Variants in MACROD2 observed in about 807,000 individuals in gnomAD.
The protein encoded by MACROD2 is ADP-ribose glycohydrolase MACROD2.
In MACROD2, 36 loss-of-function variants were observed where a neutral mutation model predicts 70.4. The ratio of observed to expected loss-of-function variants is 0.51; its 90% CI spans 0.39 to 0.68. The LOEUF (loss-of-function observed/expected upper bound fraction) is 0.68, where lower values mean the gene tolerates loss of function less well. Among genes scored for constraint, MACROD2 ranks in the 30% least tolerant of loss-of-function variants. The pLI is 0.00. For missense variants in MACROD2, 496 were observed against 538.4 expected, an observed-to-expected ratio of 0.92 and a Z score of 0.78; for synonymous variants, 172 against 178.8, an observed-to-expected ratio of 0.96 and a Z score of 0.30.
chr20:14,122,294 G>A (rs538494718), intron 3 of MACROD2, among the ~76,000 whole-genome samples: 2 of 152,240 alleles, frequency 1.3e-5, no homozygotes, highest in Admixed American at 6.5e-5. Context: ...TCTTTTAAGT[G>A]GAGACAATAA....
intron 5 of MACROD2, among the ~76,000 whole-genome samples, chr20:14,869,015 C>G (rs1661421098): frequency 6.6e-6 from 1 of 152,086 alleles, no homozygotes; most frequent in Admixed American, 6.6e-5. Context: ...TCAGGAACTC[C>G]AAAAGATCAC....
In MACROD2 at chr20:15,397,599, G is replaced by A. The variant is rs191831954; in HGVS notation, c.541-33806G>A. 4.6e-5 allele frequency among the ~76,000 whole-genome samples: 7 copies of A among 152,258 alleles called. No individual in the cohort carries two copies. In the East Asian group the frequency reaches 1.2e-3, roughly 25 times the overall value. ...GGTGTGAGCCACTGTGCCTGGCCTA[G>A]CCTCTTGCATTTTCTATGGGTGCAT... On this transcript the variant is annotated intron_variant, in intron 6 of 17. Coordinates refer to ENST00000684519, the MANE Select transcript of MACROD2 (RefSeq NM_001351661.2).
chr20:14,742,022 T>C (rs2071738971), intron 5 of MACROD2, among the ~76,000 whole-genome samples: 1 of 152,064 alleles, frequency 6.6e-6, no homozygotes, highest in Non-Finnish European at 1.5e-5. Context: ...ATAACAAGAG[T>C]ATTTGGAAAC....
intron 3 of MACROD2, among the ~76,000 whole-genome samples, chr20:14,411,648 C>T (rs2083750701): frequency 6.6e-6 from 1 of 152,086 alleles, no homozygotes; most frequent in South Asian, 2.1e-4. Context: ...TTTCTGTTGC[C>T]AAGCTTCCCA....
rs142543505 is a variant in MACROD2 at position 15,056,927 on chromosome 20, A to C, written c.419-173013A>C. Among the ~76,000 whole-genome samples, 413 of 152,284 alleles carry C rather than the reference A, an allele frequency of 2.7e-3. 3 individuals are homozygous for C. The Middle Eastern group carries it at 0.027, about 10-fold the overall frequency. The stretch of plus-strand genomic sequence containing the variant: ...AATAAGTTGTAACTTTGTTAATAGA[A>C]GCCAAAATAAATTTAAAAACTAGAA... On this transcript the variant is annotated intron_variant, in intron 5 of 17. Transcript: ENST00000684519.
intron 3 of MACROD2, among the ~76,000 whole-genome samples, chr20:14,374,442 A>G (rs2083353700): frequency 1.3e-5 from 2 of 152,288 alleles, no homozygotes; most frequent in South Asian, 4.1e-4. Context: ...TGCAAGTCAG[A>G]GGTCAAATAG....
chr20:15,133,550 A>C (rs1304007162), intron 5 of MACROD2, among the ~76,000 whole-genome samples: 1 of 152,204 alleles, frequency 6.6e-6, no homozygotes, highest in African/African-American at 2.4e-5. Flanking sequence ...TTGATAAAGG[A>C]CTCTCAATTC....
chr20:14,077,574 C>A (rs2053930069), intron 2 of MACROD2, among the ~76,000 whole-genome samples: 1 of 151,884 alleles, frequency 6.6e-6, no homozygotes, highest in Admixed American at 6.6e-5. Flanking sequence ...GAATGAAGGA[C>A]TTTTTTTTAC....
intron 5 of MACROD2, among the ~76,000 whole-genome samples, chr20:15,000,629 C>CAAAAAAAAAAAAAAAA (rs398040701): frequency 1.4e-4 from 3 of 21,982 alleles, no homozygotes; most frequent in African/African-American, 4.8e-4. Context: ...GACTCCGTCT[C>CAAAAAAAAAAAAAAAA]AAAAAAAAAA....
chr20:15,582,881 G>C (rs1214474398), intron 8 of MACROD2, among the ~76,000 whole-genome samples: 1 of 152,150 alleles, frequency 6.6e-6, no homozygotes, highest in Non-Finnish European at 1.5e-5. Flanking sequence ...GTTCTGTCGG[G>C]GTTGAGAGAT....
At chr20:15,904,496 T>A (rs2065113376) in intron 10 of MACROD2, among the ~76,000 whole-genome samples, 1 of 152,206 alleles carries the variant, frequency 6.6e-6, no homozygotes, top group Non-Finnish European at 1.5e-5. Flanking sequence ...GGTGTTTTTT[T>A]ATTGTTTTTG....
At chr20:15,082,067 CAATGACAG>C (rs1255152336) in intron 5 of MACROD2, among the ~76,000 whole-genome samples, 1 of 152,158 alleles carries the variant, frequency 6.6e-6, no homozygotes, top group Non-Finnish European at 1.5e-5. Context: ...AGCTTCTTGG[CAATGACAG>C]AATGAGATCT....
At chr20:14,465,133 G>C (rs1171976589) in intron 3 of MACROD2, among the ~76,000 whole-genome samples, 2 of 152,028 alleles carry the variant, frequency 1.3e-5, no homozygotes, top group Non-Finnish European at 2.9e-5. Context: ...TTGACAGTGG[G>C]GTGTTAAAGT....
At chr20:14,582,572 G>A (rs1535218) in intron 4 of MACROD2, among the ~76,000 whole-genome samples, 148,956 of 152,200 alleles carry the variant, frequency 0.98, 72,978 homozygotes, top group East Asian at 1. Flanking sequence ...ATATTAAATG[G>A]AATGGGAGAG....
Position 14,873,351 on chromosome 20 carries a change from C to T in MACROD2, c.418+188392C>T, listed in dbSNP as rs114673636. ...TTAGAATATTGTCTGTCTGCAACTA[C>T]AGTCACTTGGATACATCACTAGGTT... On this transcript the variant is annotated intron_variant, in intron 5 of 17. Transcript: ENST00000684519. Among the ~76,000 whole-genome samples, 762 of 152,218 alleles carry T rather than the reference C, an allele frequency of 5.0e-3. 10 individuals carry two copies. Among genetic ancestry groups the T allele is most frequent in the African/African-American group, 0.017 (719 of 41,540 alleles).
At chr20:14,169,339 T>C (rs1415824695) in intron 3 of MACROD2, among the ~76,000 whole-genome samples, 3 of 151,946 alleles carry the variant, frequency 2.0e-5, no homozygotes, top group Non-Finnish European at 2.9e-5. Context: ...AGTTTCACTC[T>C]TGTTGCCCAG....
At chr20:14,821,945 T>C (rs1446918911) in intron 5 of MACROD2, among the ~76,000 whole-genome samples, 1 of 152,112 alleles carries the variant, frequency 6.6e-6, no homozygotes, top group Non-Finnish European at 1.5e-5. Flanking sequence ...TCTACAAGTA[T>C]AGTTGTTTTA....
intron 5 of MACROD2, among the ~76,000 whole-genome samples, chr20:14,757,410 G>A (rs1387135564): frequency 2.6e-5 from 4 of 152,128 alleles, no homozygotes; most frequent in African/African-American, 4.8e-5. Context: ...GAATTTAGAA[G>A]AGTAAATTTC....
At chr20:14,754,793 T>G (rs2071918209) in intron 5 of MACROD2, among the ~76,000 whole-genome samples, 1 of 88,230 alleles carries the variant, frequency 1.1e-5, no homozygotes, top group African/African-American at 4.7e-5. Flanking sequence ...TTAGGTAAAG[T>G]GATTTTTTTT....
Sources: gnomAD v4.1 joint callset for allele counts (sites outside exome capture counted in the v4.1 genomes callset) on GRCh38, gnomAD v4.1.1 for gene constraint, MANE v1.5 for transcripts, NCBI Gene and HGNC (gene_info 2026-07-23, HGNC 2026-07-21) for gene names.